The following ARMH4 variants were observed in gnomAD, a reference collection of about 807,000 sequenced individuals.
ARMH4 encodes armadillo-like helical domain-containing protein 4.
A neutral mutation model predicts 61.9 loss-of-function variants in ARMH4; 49 were observed. That is an observed-to-expected ratio of 0.79 (90% CI 0.63 to 1.00). The LOEUF is 1.00. ARMH4 is among the 50% of genes least tolerant of loss of function. ARMH4 has a pLI of 0.00. For missense variants in ARMH4, 934 were observed against 930.0 expected (o/e 1.00, Z -0.06); for synonymous variants, 368 against 341.5 (o/e 1.08, Z -0.85).
At chr14:58,137,178 G>A (rs1300314892) in intron 2 of ARMH4, among the ~76,000 whole-genome samples, 3 of 152,104 alleles carry the variant, frequency 2.0e-5, no homozygotes, top group African/African-American at 7.2e-5. Context: ...TTCAACCTCA[G>A]CGCTATTAAC....
At chr14:58,018,079 G>A (rs1184001994) in intron 5 of ARMH4, among the ~76,000 whole-genome samples, 1 of 152,052 alleles carries the variant, frequency 6.6e-6, no homozygotes, top group Non-Finnish European at 1.5e-5. Context: ...ACACGCAAAA[G>A]AATAAACTTA....
chr14:58,022,103 C>A (rs1046237484), intron 5 of ARMH4, among the ~76,000 whole-genome samples: 1 of 152,160 alleles, frequency 6.6e-6, no homozygotes, highest in Admixed American at 6.6e-5. Context: ...GGGTTAGTTC[C>A]TTCTAGAGGC....
At chr14:58,137,804 C>T (rs972665192) in intron 2 of ARMH4, among the ~76,000 whole-genome samples, 186 bp downstream of exon 2, 4 of 151,914 alleles carry the variant, frequency 2.6e-5, no homozygotes, top group Non-Finnish European at 5.9e-5. Context: ...CCAAGCTGGT[C>T]TCGAACTCCT....
At chr14:58,010,836 C>T (rs28609422) in intron 6 of ARMH4, among the ~76,000 whole-genome samples, 43,588 of 132,964 alleles carry the variant, frequency 0.33, 6,436 homozygotes, top group African/African-American at 0.35. Flanking sequence ...TTTTCTTAAG[C>T]CTTTTTTTTT....
intron 5 of ARMH4, among the ~76,000 whole-genome samples, chr14:58,095,987 G>T (rs113221929): frequency 1.3e-5 from 2 of 152,242 alleles, no homozygotes; most frequent in South Asian, 2.1e-4. Flanking sequence ...GCTTAATAGC[G>T]TCTCCCCTGA....
At chr14:58,134,684 C>T (rs1007611206) in intron 2 of ARMH4, among the ~76,000 whole-genome samples, 1 of 152,012 alleles carries the variant, frequency 6.6e-6, no homozygotes, top group Non-Finnish European at 1.5e-5. Context: ...AGGCCAGGCA[C>T]GGTGGCTCAT....
Position 58,131,606 on chromosome 14 carries a change from A to G in ARMH4, c.1737T>C (p.Ala579=), listed in dbSNP as rs991596361. Residue 579 remains alanine, a synonymous_variant, in exon 4 of 8, where the codon GCT becomes GCC. Transcript: ENST00000267485. ...TTCTTCTCTCAGAGGATGCCTCCAAAGCAGGAAGTGCAGGGGAAATGCTGG... is the reference window on the plus strand; with the variant it reads ...TTCTTCTCTCAGAGGATGCCTCCAAGGCAGGAAGTGCAGGGGAAATGCTGG... ...GEPSISPALP[A]LEASSERRTV... The G allele has an allele frequency of 9.3e-6, 15 of 1,614,208 alleles. No homozygotes were observed. Among genetic ancestry groups the G allele is most frequent in the Non-Finnish European group, 1.3e-5 (15 of 1,180,038 alleles).
chr14:58,045,346 G>A (rs1297963463), intron 5 of ARMH4, among the ~76,000 whole-genome samples: 1 of 152,106 alleles, frequency 6.6e-6, no homozygotes, highest in East Asian at 1.9e-4. Context: ...ATCATTCTCA[G>A]CCAACTATCG....
chr14:58,039,082 C>T (rs1883591935), intron 5 of ARMH4, among the ~76,000 whole-genome samples: 1 of 152,248 alleles, frequency 6.6e-6, no homozygotes, highest in Non-Finnish European at 1.5e-5. Flanking sequence ...CACAGCAGGG[C>T]ACCTGTGCAG....
chr14:58,135,180 C>T (rs534993938), intron 2 of ARMH4, among the ~76,000 whole-genome samples: 8 of 152,098 alleles, frequency 5.3e-5, no homozygotes, highest in Non-Finnish European at 1.0e-4. Flanking sequence ...GGTTACAGGA[C>T]AAACAATGTG....
intron 1 of ARMH4, among the ~76,000 whole-genome samples, chr14:58,144,585 A>C (rs2139996842): frequency 6.6e-6 from 1 of 152,038 alleles, no homozygotes; most frequent in South Asian, 2.1e-4. Context: ...AAAACATATG[A>C]GGCCTGGCGC....
intron 5 of ARMH4, among the ~76,000 whole-genome samples, chr14:58,065,068 C>G (rs1193135695): frequency 6.6e-6 from 1 of 152,108 alleles, no homozygotes; most frequent in South Asian, 2.1e-4. Flanking sequence ...ATGGTGAAAC[C>G]CCGTCTCTAC....
chr14:58,131,753 C>G (rs893868106), intron 3 of ARMH4, 32 bp from the exon 4 acceptor site: 4 of 1,583,512 alleles, frequency 2.5e-6, no homozygotes, highest in East Asian at 4.5e-5. Context: ...ACTTGACCCA[C>G]AAGATAATCA....
chr14:58,030,246 T>A (rs1196752713), intron 5 of ARMH4, among the ~76,000 whole-genome samples: 1 of 152,284 alleles, frequency 6.6e-6, no homozygotes, highest in East Asian at 1.9e-4. Flanking sequence ...TCAGTGCCCA[T>A]GTGATACCCA....
intron 6 of ARMH4, among the ~76,000 whole-genome samples, chr14:58,008,926 A>C (rs1482775281): frequency 6.6e-6 from 1 of 152,218 alleles, no homozygotes; most frequent in Non-Finnish European, 1.5e-5. Context: ...ACACAATTAA[A>C]ATTGTTATGC....
intron 5 of ARMH4, among the ~76,000 whole-genome samples, chr14:58,049,647 T>G (rs1884068322): frequency 6.6e-6 from 1 of 151,950 alleles, no homozygotes; most frequent in African/African-American, 2.4e-5. Context: ...GAAGCCCTCA[T>G]GAGAATTAAT....
At chr14:58,080,062 T>C (rs1334675426) in intron 5 of ARMH4, among the ~76,000 whole-genome samples, 1 of 151,960 alleles carries the variant, frequency 6.6e-6, no homozygotes, top group Non-Finnish European at 1.5e-5. Context: ...CTGCCAACGA[T>C]GCTAAGACAA....
In ARMH4 at chr14:58,143,323, T is replaced by A. The variant is rs376806700; in HGVS notation, c.-56-3909A>T. ...AGCTGAAGAAAACTGAAGCCAGAGATGACTAGAAGAAACATAAGTCCCCAA... is the reference window on the plus strand; with the variant it reads ...AGCTGAAGAAAACTGAAGCCAGAGAAGACTAGAAGAAACATAAGTCCCCAA... On this transcript the variant is annotated intron_variant, in intron 1 of 7. Coordinates refer to ENST00000267485, the MANE Select transcript of ARMH4 (RefSeq NM_001001872.4). 7.5e-4 allele frequency among the ~76,000 whole-genome samples: 114 copies of A among 152,228 alleles called. No individual in the cohort carries two copies. In the South Asian group the frequency reaches 0.017, roughly 22 times the overall value.
At chr14:58,105,953 G>C (rs1242268268) in intron 4 of ARMH4, among the ~76,000 whole-genome samples, 1 of 152,096 alleles carries the variant, frequency 6.6e-6, no homozygotes, top group African/African-American at 2.4e-5. Context: ...ACATGGCACT[G>C]ATTACATCAC....
Sources: allele counts gnomAD v4.1 joint callset (sites outside exome capture counted in the v4.1 genomes callset), GRCh38; gene constraint gnomAD v4.1.1; transcripts MANE v1.5; gene names NCBI Gene and HGNC (gene_info 2026-07-23, HGNC 2026-07-21).